The following CCDC141 variants were observed in gnomAD, a reference collection of about 807,000 sequenced individuals.
CCDC141 encodes coiled-coil domain-containing protein 141.
CCDC141 carries 168 observed loss-of-function variants against 181.0 expected under a neutral mutation model. The ratio of observed to expected loss-of-function variants is 0.93; its 90% CI spans 0.82 to 1.05. The LOEUF (loss-of-function observed/expected upper bound fraction) is 1.05, where lower values mean the gene tolerates loss of function less well. CCDC141 is among the 50% of genes least tolerant of loss of function. The pLI, the probability that CCDC141 is intolerant of heterozygous loss-of-function variation, is 0.00. For synonymous variants in CCDC141, 666 were observed against 642.3 expected (o/e 1.04, Z -0.56); for missense variants, 1,902 against 1,788.5 (o/e 1.06, Z -1.14).
chr2:178,932,221 C>T (rs1575233113), intron 6 of CCDC141, among the ~76,000 whole-genome samples: 6 of 152,174 alleles, frequency 3.9e-5, no homozygotes, highest in South Asian at 4.1e-4. Context: ...TATACAACCA[C>T]GTTTAATCTT....
intron 2 of CCDC141, among the ~76,000 whole-genome samples, chr2:179,027,462 G>A (rs1272668006): frequency 6.6e-6 from 1 of 151,710 alleles, no homozygotes; most frequent in Non-Finnish European, 1.5e-5. Context: ...GGCTAACACG[G>A]TGAAACCCTG....
chr2:178,963,066 C>T (rs1481836251), intron 4 of CCDC141, among the ~76,000 whole-genome samples: 1 of 152,230 alleles, frequency 6.6e-6, no homozygotes, highest in Non-Finnish European at 1.5e-5. Context: ...GCACCCAGCA[C>T]TTAGCACAGT....
At chr2:178,954,828 A>C (rs1466011907) in intron 5 of CCDC141, among the ~76,000 whole-genome samples, 1 of 152,100 alleles carries the variant, frequency 6.6e-6, no homozygotes, top group Non-Finnish European at 1.5e-5. Flanking sequence ...AAAAACCAAA[A>C]AACTTTGCCC....
chr2:178,944,557 T>C lies in CCDC141; in HGVS notation c.875A>G (p.Glu292Gly). Residue 292 changes from glutamate to glycine, a missense_variant, in exon 6 of 24, where the codon GAG becomes GGG. Glu to Gly is a moderately conservative substitution (Grantham distance 98). Coordinates refer to ENST00000443758, the MANE Select transcript of CCDC141 (RefSeq NM_173648.4). ...TACCTTTGCTTTTATTATCAGTTCC[T>C]CTTGCTTATGAATTCGATCCTCATT... ...SDNEDRIHKQ[E>G]ELIIKAKEWN... is the part of the protein sequence containing the mutation. 2 of 1,525,060 alleles carry C rather than the reference T, an allele frequency of 1.3e-6. No individual in the cohort carries two copies. Among genetic ancestry groups the C allele is most frequent in the Non-Finnish European group, 1.8e-6 (2 of 1,129,790 alleles). The allele number at this position is 1,525,060 out of a possible 1,614,324, so 94.5% of individuals were successfully genotyped here.
intron 4 of CCDC141, among the ~76,000 whole-genome samples, chr2:178,970,949 C>A (rs1690858228): frequency 6.6e-6 from 1 of 152,198 alleles, no homozygotes; most frequent in Non-Finnish European, 1.5e-5. Flanking sequence ...GTGGCTCACG[C>A]CTGTAATCCC....
rs1255260900 is a variant in CCDC141 at position 178,831,296 on chromosome 2, C to A, written c.*2877G>T. On this transcript the variant is annotated 3_prime_UTR_variant, in exon 24 of 24. Coordinates refer to ENST00000443758, the MANE Select transcript of CCDC141 (RefSeq NM_173648.4). ...ACTCAATGATTTTGCCTTATGAAAA[C>A]TTAAAAACATTTTGTTTTGCAGTTC... 6.6e-6 allele frequency: 1 copy of A among 152,100 alleles called. No individual in the cohort carries two copies. Among genetic ancestry groups the A allele is most frequent in the Non-Finnish European group, 1.5e-5 (1 of 68,006 alleles). 9.4% of individuals were successfully genotyped at this position (152,100 alleles called of 1,614,324 possible).
intron 6 of CCDC141, among the ~76,000 whole-genome samples, chr2:178,937,500 T>C (rs1044283107): frequency 1.2e-4 from 18 of 152,182 alleles, no homozygotes; most frequent in Non-Finnish European, 2.4e-4. Flanking sequence ...TTGTAAGTGT[T>C]TTGTTGCGGA....
At position 178,868,866 on chromosome 2, in the gene CCDC141, T is replaced by G. The variant is rs559721535; in HGVS notation, c.2394+251A>C. Among the ~76,000 whole-genome samples, 248 of 152,140 alleles carry G rather than the reference T, an allele frequency of 1.6e-3. 2 individuals are homozygous for G. Among genetic ancestry groups the G allele is most frequent in the Non-Finnish European group, 2.9e-3 (198 of 67,996 alleles). ...AAGAGGGAGGAGAAAGACAGACTTG[T>G]CAAATAATGGCAGCCTGAGAGTCAA... On this transcript the variant is annotated intron_variant, in intron 15 of 23. Coordinates refer to ENST00000443758, the MANE Select transcript of CCDC141 (RefSeq NM_173648.4).
At chr2:178,984,375 C>T (rs948907478) in intron 2 of CCDC141, among the ~76,000 whole-genome samples, 12 of 151,088 alleles carry the variant, frequency 7.9e-5, no homozygotes, top group South Asian at 2.1e-4. Context: ...CAAAATGTAA[C>T]GACCATCGAG....
At chr2:179,011,732 G>A (rs1011716364) in intron 2 of CCDC141, among the ~76,000 whole-genome samples, 1 of 152,042 alleles carries the variant, frequency 6.6e-6, no homozygotes, top group African/African-American at 2.4e-5. Flanking sequence ...GCCATAAAAC[G>A]AGCCTTAATA....
intron 2 of CCDC141, among the ~76,000 whole-genome samples, chr2:179,021,278 G>A (rs909020533): frequency 2.6e-5 from 4 of 152,180 alleles, no homozygotes; most frequent in Non-Finnish European, 5.9e-5. Context: ...TGGTGAAAGA[G>A]AAATGAACAT....
chr2:179,044,420 C>A (rs539314846), intron 2 of CCDC141, among the ~76,000 whole-genome samples: 1 of 152,186 alleles, frequency 6.6e-6, no homozygotes, highest in Admixed American at 6.5e-5. Context: ...ACAGGAAAAC[C>A]CTTTTCTAGC....
chr2:178,898,035 C>T (rs1156483600), intron 8 of CCDC141, among the ~76,000 whole-genome samples: 2 of 152,200 alleles, frequency 1.3e-5, no homozygotes, highest in Middle Eastern at 6.8e-3. Context: ...TAAGTTTGGC[C>T]ATTTCTATGA....
At chr2:178,920,904 C>G (rs1688661591) in intron 6 of CCDC141, among the ~76,000 whole-genome samples, 1 of 152,098 alleles carries the variant, frequency 6.6e-6, no homozygotes, top group African/African-American at 2.4e-5. Flanking sequence ...TTTGAAGTAT[C>G]AGTTATATAA....
chr2:178,893,330 T>C (rs1012290548), intron 8 of CCDC141, among the ~76,000 whole-genome samples: 3 of 152,122 alleles, frequency 2.0e-5, no homozygotes, highest in African/African-American at 7.2e-5. Flanking sequence ...TTGTTGTAAA[T>C]TGGGGCTGGA....
chr2:179,031,410 T>C (rs1181597283), intron 2 of CCDC141, among the ~76,000 whole-genome samples: 1 of 152,008 alleles, frequency 6.6e-6, no homozygotes, highest in Non-Finnish European at 1.5e-5. Flanking sequence ...TCAGTCTGGC[T>C]GAGAAAGCAT....
chr2:179,000,862 G>A (rs915481806), intron 2 of CCDC141, among the ~76,000 whole-genome samples: 6 of 152,172 alleles, frequency 3.9e-5, no homozygotes, highest in African/African-American at 1.4e-4. Context: ...TGTACCAATT[G>A]ACTAGCAATA....
chr2:178,892,412 C>G (rs1159523622), intron 8 of CCDC141, among the ~76,000 whole-genome samples: 8 of 152,070 alleles, frequency 5.3e-5, no homozygotes, highest in Non-Finnish European at 1.2e-4. Flanking sequence ...GCCCTTATAA[C>G]TAGGTCATCT....
chr2:178,989,184 A>C (rs1305370582), intron 2 of CCDC141, among the ~76,000 whole-genome samples: 1 of 152,180 alleles, frequency 6.6e-6, no homozygotes, highest in Admixed American at 6.5e-5. Flanking sequence ...TTTTGTGTAC[A>C]AAGGACATTA....
Sources: gnomAD v4.1 joint callset for allele counts (sites outside exome capture counted in the v4.1 genomes callset) on GRCh38, gnomAD v4.1.1 for gene constraint, MANE v1.5 for transcripts, NCBI Gene and HGNC (gene_info 2026-07-23, HGNC 2026-07-21) for gene names.